The following STOX2 variants were observed in gnomAD, a reference collection of about 807,000 sequenced individuals.
STOX2 encodes storkhead-box protein 2.
STOX2 carries 28 observed loss-of-function variants against 60.9 expected under a neutral mutation model. The ratio of observed to expected loss-of-function variants is 0.46; its 90% confidence interval spans 0.34 to 0.63. STOX2 has a LOEUF of 0.63. Among genes scored for constraint, STOX2 ranks in the 30% least tolerant of loss-of-function variants. STOX2 has a pLI of 0.01. For missense variants in STOX2, 1,024 were observed against 1,187.7 expected (o/e 0.86, Z 2.03); for synonymous variants, 472 against 463.9 (o/e 1.02, Z -0.22).
chr4:183,851,677 G>C (rs1254687192), intron 1 of STOX2, among the ~76,000 whole-genome samples: 8 of 125,908 alleles, frequency 6.4e-5, no homozygotes, highest in South Asian at 2.8e-4. Flanking sequence ...ATGAGAGAAA[G>C]GATGAGGGAA....
At chr4:183,964,985 G>C (rs1157506989) in intron 1 of STOX2, among the ~76,000 whole-genome samples, 1 of 152,210 alleles carries the variant, frequency 6.6e-6, no homozygotes, top group Non-Finnish European at 1.5e-5. Context: ...GTTATCTGTT[G>C]AATTTTCTTA....
At chr4:184,015,225 T>C (rs1429278715) in intron 3 of STOX2, 1 of 152,184 alleles carries the variant, frequency 6.6e-6, no homozygotes, top group Non-Finnish European at 1.5e-5. Flanking sequence ...ACCAAAGGAA[T>C]GTGTCTTGAA....
chr4:183,981,698 G>A (rs1732663212), intron 1 of STOX2, among the ~76,000 whole-genome samples: 1 of 151,934 alleles, frequency 6.6e-6, no homozygotes, highest in South Asian at 2.1e-4. Flanking sequence ...AACAACTTAG[G>A]GCAGAAAAAT....
At chr4:183,910,645 G>A (rs1741750806) in intron 1 of STOX2, among the ~76,000 whole-genome samples, 2 of 152,166 alleles carry the variant, frequency 1.3e-5, no homozygotes, top group South Asian at 4.1e-4. Context: ...ATCCTTAAAA[G>A]CTTTGTTTCT....
At position 184,010,977 on chromosome 4, in the gene STOX2, A is replaced by G. The variant is rs1734134447; in HGVS notation, c.2139A>G (p.Val713=). The G allele has an allele frequency of 6.2e-7, 1 of 1,613,542 alleles. No homozygotes were observed. The highest frequency in any genetic ancestry group is 1.7e-5 in the Admixed American group (1 of 59,968). ...LFKPLHSTLS[V]NSYHKSSLSL... ...AACCTCTTCACAGCACCTTGTCTGTAAACAGCTATCACAAGTCGAGCCTGT... is the reference window on the plus strand; with the variant it reads ...AACCTCTTCACAGCACCTTGTCTGTGAACAGCTATCACAAGTCGAGCCTGT... Residue 713 remains valine (V), a synonymous_variant, in exon 3 of 4, where the codon GTA becomes GTG. Coordinates refer to ENST00000308497, the MANE Select transcript of STOX2 (RefSeq NM_020225.3). The surrounding 1 kb of genome is among the most constrained non-coding windows in gnomAD (Gnocchi z 4.5).
At chr4:183,809,219 C>CT (rs1485578195) in intron 1 of STOX2, among the ~76,000 whole-genome samples, 4 of 151,922 alleles carry the variant, frequency 2.6e-5, no homozygotes, top group African/African-American at 9.7e-5. Context: ...GTAACTGGGG[C>CT]TACAGGCATG....
chr4:183,888,228 T>A (rs1741126832), intron 1 of STOX2, among the ~76,000 whole-genome samples: 1 of 152,188 alleles, frequency 6.6e-6, no homozygotes, highest in African/African-American at 2.4e-5. Flanking sequence ...CAAGAACCCC[T>A]CCTTAGACCC....
chr4:184,005,907 G>T (rs945161371), intron 2 of STOX2, among the ~76,000 whole-genome samples: 2 of 152,184 alleles, frequency 1.3e-5, no homozygotes, highest in African/African-American at 4.8e-5. Context: ...TTATTTGATG[G>T]ATATACCTGG....
intron 1 of STOX2, among the ~76,000 whole-genome samples, chr4:183,933,578 G>C (rs1244006427): frequency 1.3e-5 from 2 of 152,038 alleles, no homozygotes; most frequent in African/African-American, 4.8e-5. Flanking sequence ...TAGTAGAGAC[G>C]GGGTTTCGCC....
At chr4:183,818,752 G>T (rs1374555649) in intron 1 of STOX2, among the ~76,000 whole-genome samples, 1 of 151,230 alleles carries the variant, frequency 6.6e-6, no homozygotes, top group East Asian at 2.0e-4. Flanking sequence ...CCTGGACAGG[G>T]CGGCTGCTGG....
chr4:183,901,322 C>T (rs1198851921), upstream of STOX2, among the ~76,000 whole-genome samples: 1 of 152,180 alleles, frequency 6.6e-6, no homozygotes, highest in Non-Finnish European at 1.5e-5. Context: ...TCAATGGGTA[C>T]TTGGGTTGCG....
At chr4:183,955,989 C>G (rs7694569) in intron 1 of STOX2, among the ~76,000 whole-genome samples, 49,798 of 151,740 alleles carry the variant, frequency 0.33, 8,764 homozygotes, top group African/African-American at 0.44. Flanking sequence ...TTCACATAAC[C>G]CTATTTCATT....
intron 1 of STOX2, among the ~76,000 whole-genome samples, chr4:183,851,516 A>AAAGGATGAGG (rs1740137467): frequency 1.8e-4 from 3 of 16,780 alleles, no homozygotes; most frequent in Admixed American, 5.5e-4. Flanking sequence ...AAAGGATGAG[A>AAAGGATGAGG]GAAACGATGA....
At chr4:183,986,762 A>G (rs995252687) in intron 1 of STOX2, among the ~76,000 whole-genome samples, 1 of 152,216 alleles carries the variant, frequency 6.6e-6, no homozygotes, top group African/African-American at 2.4e-5. Flanking sequence ...TTTGAACTCA[A>G]CTCACAGGGG....
At chr4:183,833,977 G>A (rs1327364220) in intron 1 of STOX2, among the ~76,000 whole-genome samples, 5 of 101,388 alleles carry the variant, frequency 4.9e-5, no homozygotes, top group East Asian at 2.4e-4. Context: ...GTGAGACTCC[G>A]TCTCAAAAAA....
intron 1 of STOX2, among the ~76,000 whole-genome samples, chr4:183,801,652 CAGG>C (rs1489343739): frequency 6.6e-6 from 1 of 152,242 alleles, no homozygotes; most frequent in South Asian, 2.1e-4. Context: ...TCCTGCAGAG[CAGG>C]AGAACTTTCC....
chr4:183,836,984 GATTA>G lies in STOX2; in HGVS notation c.364+38934_364+38937del, dbSNP rs1739727301. 1.3e-5 allele frequency among the ~76,000 whole-genome samples: 2 copies of G among 152,138 alleles called. No individual in the cohort carries two copies. Among genetic ancestry groups the G allele is most frequent in the African/African-American group, 4.8e-5 (2 of 41,426 alleles). ...ATTGTACTGTGTGCTGCTTATACAG[GATTA>G]ATTAGAGCACATCCCTGCTTCTTAG... On this transcript the variant is annotated intron_variant, in intron 1 of 2. Transcript: ENST00000513034. The surrounding 1 kb of genome is among the most constrained non-coding windows in gnomAD (Gnocchi z 4.1).
At chr4:183,925,523 C>G (rs1742216339) in intron 1 of STOX2, among the ~76,000 whole-genome samples, 1 of 152,064 alleles carries the variant, frequency 6.6e-6, no homozygotes, top group Admixed American at 6.6e-5. Flanking sequence ...AAGAATAATT[C>G]CAGTTGGAGT....
At chr4:183,845,742 C>T (rs1489831733) in intron 1 of STOX2, among the ~76,000 whole-genome samples, 1 of 152,160 alleles carries the variant, frequency 6.6e-6, no homozygotes, top group Non-Finnish European at 1.5e-5. Context: ...TGCATATGTG[C>T]TTTATTAAGT....
Sources: allele counts gnomAD v4.1 joint callset (sites outside exome capture counted in the v4.1 genomes callset), GRCh38; gene constraint gnomAD v4.1.1; non-coding constraint Gnocchi (gnomAD v3.1); transcripts MANE v1.5; gene names NCBI Gene and HGNC (gene_info 2026-07-23, HGNC 2026-07-21).